ACSL5: variants seen among roughly 807,000 people sequenced by gnomAD.
The protein encoded by ACSL5 is acyl-CoA synthetase long chain family member 5.
ACSL5 carries 50 observed loss-of-function variants against 84.9 expected under a neutral mutation model. The observed-to-expected ratio is 0.59, with a 90% confidence interval of 0.47 to 0.75. The LOEUF (loss-of-function observed/expected upper bound fraction) is 0.75. Among genes scored for constraint, ACSL5 ranks in the 30% least tolerant of loss-of-function variants. The pLI, the probability that ACSL5 is intolerant of heterozygous loss-of-function variation, is 0.00. For missense variants in ACSL5, 775 were observed against 830.4 expected (o/e 0.93, Z 0.82); for synonymous variants, 280 against 300.7 (o/e 0.93, Z 0.71).
intron 3 of ACSL5, among the ~76,000 whole-genome samples, chr10:112,399,537 C>A (rs1180381818): frequency 1.3e-5 from 2 of 152,182 alleles, no homozygotes; most frequent in African/African-American, 4.8e-5. Context: ...TAGAGACTAC[C>A]AAATGGGCTT....
At chr10:112,386,101 T>G (rs1849445711) in intron 1 of ACSL5, among the ~76,000 whole-genome samples, 1 of 151,300 alleles carries the variant, frequency 6.6e-6, no homozygotes, top group South Asian at 2.1e-4. Context: ...TACATGATAA[T>G]AGCATCTACT....
chr10:112,418,079 T>G (rs1844360650), intron 14 of ACSL5, 138 bp downstream of exon 14: 1 of 677,572 alleles, frequency 1.5e-6, no homozygotes, highest in Non-Finnish European at 2.4e-6. Context: ...GAAAATATCC[T>G]TCTAACCATC....
intron 14 of ACSL5, 46 bp downstream of exon 14, chr10:112,417,987 C>T: frequency 7.2e-7 from 1 of 1,391,748 alleles, no homozygotes; most frequent in Non-Finnish European, 9.9e-7. Flanking sequence ...TACTTTTGCA[C>T]AAACAGGCTC....
chr10:112,376,878 A>G lies in ACSL5; in HGVS notation c.-30+2609A>G, dbSNP rs535331382. ...AGTGTATTTTAGGAAGTAAGGCCAC[A>G]GGTTAAGTCTCAGGTGCTGCTTAAT... is the stretch of plus-strand genomic sequence containing the variant. On this transcript the variant is annotated intron_variant, in intron 1 of 20. Transcript: ENST00000354655. Among the ~76,000 whole-genome samples the G allele has an allele frequency of 2.3e-4, 35 of 152,140 alleles. 1 individual carries two copies. Among genetic ancestry groups the G allele is most frequent in the Admixed American group, 2.1e-3 (32 of 15,284 alleles).
At chr10:112,394,122 G>A (rs1327864526) in intron 1 of ACSL5, among the ~76,000 whole-genome samples, 2 of 152,168 alleles carry the variant, frequency 1.3e-5, no homozygotes, top group African/African-American at 4.8e-5. Flanking sequence ...GCTGAACTTG[G>A]CTGAAAACTA....
chr10:112,406,486 G>A (rs576831804), intron 5 of ACSL5: 1 of 152,302 alleles, frequency 6.6e-6, no homozygotes, highest in South Asian at 2.1e-4. Flanking sequence ...CCGGAGGAGG[G>A]GTGACAGGGA....
chr10:112,395,222 T>G, intron 2 of ACSL5, 120 bp downstream of exon 2: 1 of 989,312 alleles, frequency 1.0e-6, no homozygotes. Context: ...AGCTTTCATG[T>G]TACCAATCAA....
At chr10:112,395,165 C>A in intron 2 of ACSL5, 63 bp downstream of exon 2, 1 of 1,509,732 alleles carries the variant, frequency 6.6e-7, no homozygotes, top group Non-Finnish European at 9.1e-7. Context: ...TAACTCCAAA[C>A]CTAGGGATAG....
At chr10:112,377,732 T>C (rs1849268736) in intron 1 of ACSL5, among the ~76,000 whole-genome samples, 1 of 152,184 alleles carries the variant, frequency 6.6e-6, no homozygotes, top group Non-Finnish European at 1.5e-5. Flanking sequence ...TAAAATTTTA[T>C]AGCCATCTTT....
chr10:112,404,518 G>T lies in ACSL5; in HGVS notation c.273G>T (p.Gly91=). Reference sequence around the variant, plus strand: ...TTAATATTATGTTTTTAGACAATGGGCCCTGCTTGGGATATAGAAAACCAA... The same window carrying T: ...TTAATATTATGTTTTTAGACAATGGTCCCTGCTTGGGATATAGAAAACCAA... ...FQRGLAVSDN[G]PCLGYRKPNQ... The change falls in exon 4 of 21, where the codon GGG becomes GGT. Residue 91 remains glycine, a synonymous_variant. Coordinates refer to ENST00000354655, the MANE Select transcript of ACSL5 (RefSeq NM_203379.2). 6.2e-7 allele frequency: 1 copy of T among 1,612,848 alleles called. No individual in the cohort carries two copies. The highest frequency in any genetic ancestry group is 8.5e-7 in the Non-Finnish European group (1 of 1,178,972).
At chr10:112,385,466 G>A (rs1197827795) in intron 1 of ACSL5, among the ~76,000 whole-genome samples, 1 of 152,224 alleles carries the variant, frequency 6.6e-6, no homozygotes, top group Non-Finnish European at 1.5e-5. Flanking sequence ...TTAAGAGACA[G>A]CGTCAAATGT....
rs1486465268 is a variant in ACSL5 at position 112,422,036 on chromosome 10, G to T, written c.1476+1G>T. ...CTTTACAGTGAATAATGAAGGAGAG[G>T]TGGGTAGGTCATGCCCTGTGGTCAG... On this transcript the variant is annotated splice_donor_variant, in intron 16 of 20. Coordinates refer to ENST00000354655, the MANE Select transcript of ACSL5 (RefSeq NM_203379.2). LOFTEE classifies it high-confidence loss of function. The T allele has an allele frequency of 6.2e-7, 1 of 1,614,048 alleles. No homozygotes were observed. Among genetic ancestry groups the T allele is most frequent in the Non-Finnish European group, 8.5e-7 (1 of 1,179,980 alleles).
intron 3 of ACSL5, among the ~76,000 whole-genome samples, chr10:112,401,859 T>C (rs540042166): frequency 0.035 from 4,612 of 131,530 alleles, 203 homozygotes; most frequent in African/African-American, 0.11. Flanking sequence ...TTCCTTCCTT[T>C]CTTTCTTTCT....
At chr10:112,426,760 T>C (rs1454687531) in intron 19 of ACSL5, 28 bp from the exon 20 acceptor site, 2 of 1,604,880 alleles carry the variant, frequency 1.2e-6, no homozygotes, top group Non-Finnish European at 1.7e-6. Context: ...GAAACAGCCA[T>C]GCTTTAAGTG....
At chr10:112,422,892 G>A (rs933693490) in intron 17 of ACSL5, among the ~76,000 whole-genome samples, 2 of 146,088 alleles carry the variant, frequency 1.4e-5, no homozygotes, top group Non-Finnish European at 3.0e-5. Context: ...AAGAATCTAG[G>A]TTAAGTTAAA....
At position 112,418,003 on chromosome 10, in the gene ACSL5, T is replaced by C. The variant is rs1418248729; in HGVS notation, c.1314+62T>C. 3 of 1,322,582 alleles carry C rather than the reference T, an allele frequency of 2.3e-6. No individual in the cohort carries two copies. In the East Asian group the frequency reaches 7.3e-5, roughly 32 times the overall value. 81.9% of individuals were successfully genotyped at this position (1,322,582 alleles called of 1,614,324 possible). On this transcript the variant is annotated intron_variant, in intron 14 of 20. Transcript: ENST00000354655. Reference sequence around the variant, plus strand: ...ACTTTTGCACAAACAGGCTCACTGTTTAAATAAAAATGAAAACAACTAAAA... The same window carrying C: ...ACTTTTGCACAAACAGGCTCACTGTCTAAATAAAAATGAAAACAACTAAAA...
At chr10:112,421,507 T>C in intron 14 of ACSL5, 86 bp from the exon 15 acceptor site, 1 of 1,241,242 alleles carries the variant, frequency 8.1e-7, no homozygotes, top group Non-Finnish European at 1.2e-6. Context: ...CTTAGAGACC[T>C]TGCTTTCCTC....
At chr10:112,422,585 T>C (rs1844494413) in intron 17 of ACSL5, 144 bp downstream of exon 17, 1 of 718,258 alleles carries the variant, frequency 1.4e-6, no homozygotes, top group Non-Finnish European at 2.3e-6. Context: ...ACCTGGCTTA[T>C]GACTTCCTCA....
intron 1 of ACSL5, chr10:112,376,377 G>A: frequency 1.9e-6 from 3 of 1,614,144 alleles, no homozygotes; most frequent in Non-Finnish European, 2.5e-6. Context: ...AGGGACTCGT[G>A]TGGCAGGAAG....
Sources: gnomAD v4.1 joint callset for allele counts (sites outside exome capture counted in the v4.1 genomes callset) on GRCh38, gnomAD v4.1.1 for gene constraint, MANE v1.5 for transcripts, NCBI Gene and HGNC (gene_info 2026-07-23, HGNC 2026-07-21) for gene names.